The following KDM1B variants were observed in gnomAD, a reference collection of about 807,000 sequenced individuals.
KDM1B encodes lysine-specific histone demethylase 2.
KDM1B carries 63 observed loss-of-function variants against 107.4 expected under a neutral mutation model. That is an observed-to-expected ratio of 0.59 (90% CI 0.48 to 0.72). The LOEUF (loss-of-function observed/expected upper bound fraction) is 0.72. Among genes scored for constraint, KDM1B ranks in the 30% least tolerant of loss-of-function variants. The probability of loss-of-function intolerance (pLI) is 0.00; values close to 1 mark genes in which losing one functional copy is unlikely to be tolerated. For missense variants in KDM1B, 749 were observed against 1,020.8 expected (o/e 0.73, Z 3.63); for synonymous variants, 363 against 363.9 (o/e 1.00, Z 0.03).
chr6:18,212,891 G>T lies in KDM1B; in HGVS notation c.1983+287G>T, dbSNP rs549949234. ...TTTATCCCCTTTTTTCCCCCCTTCT[G>T]CTTTCTTTCTTGTCTGCTTTCCACT... On this transcript the variant is annotated intron_variant, in intron 18 of 21. Coordinates refer to ENST00000650836, the MANE Select transcript of KDM1B (RefSeq NM_001364614.2). The surrounding 1 kb of genome is among the most constrained non-coding windows in gnomAD (Gnocchi z 5.2). 2.0e-5 allele frequency among the ~76,000 whole-genome samples: 3 copies of T among 152,162 alleles called. No homozygotes were observed. The highest frequency in any genetic ancestry group is 7.2e-5 in the African/African-American group (3 of 41,516).
chr6:18,196,047 T>G (rs1422984657), intron 10 of KDM1B, among the ~76,000 whole-genome samples: 1 of 152,140 alleles, frequency 6.6e-6, no homozygotes, highest in African/African-American at 2.4e-5. Context: ...GTGAGTTGGG[T>G]GTTTTTAGAT....
rs1490916132 is a variant in KDM1B, at chr6:18,197,582, T to C, written c.1147-5T>C. On this transcript the variant is annotated splice_region_variant and splice_polypyrimidine_tract_variant and intron_variant, in intron 11 of 21. Transcript: ENST00000650836. This position sits in a 1 kb window ranked among gnomAD's most constrained non-coding sequence, Gnocchi z 4.5. ...AATTGGACTTTTGTTTCTTTTCTTT[T>C]TAAGAAATCAGTCATCATTATCGGG... 2.5e-6 allele frequency: 4 copies of C among 1,612,282 alleles called. No individual in the cohort carries two copies. In the Admixed American group the frequency reaches 6.7e-5, roughly 27 times the overall value.
At chr6:18,183,119 C>T (rs934914566) in intron 7 of KDM1B, among the ~76,000 whole-genome samples, 5 of 152,130 alleles carry the variant, frequency 3.3e-5, no homozygotes, top group Non-Finnish European at 7.4e-5. Context: ...AAAGCAAACA[C>T]TGGTGTGCCT....
At chr6:18,194,408 G>T (rs1787510303) in intron 10 of KDM1B, among the ~76,000 whole-genome samples, 1 of 152,134 alleles carries the variant, frequency 6.6e-6, no homozygotes, top group African/African-American at 2.4e-5. Context: ...TTCTGTAGTG[G>T]CCTTTGTTGA....
intron 7 of KDM1B, among the ~76,000 whole-genome samples, chr6:18,171,693 T>C (rs1785674230): frequency 6.6e-6 from 1 of 152,208 alleles, no homozygotes; most frequent in Non-Finnish European, 1.5e-5. Flanking sequence ...AGTTAAGACA[T>C]AGGCTGTCCA....
chr6:18,212,657 G>T lies in KDM1B; in HGVS notation c.1983+53G>T. On this transcript the variant is annotated intron_variant, in intron 18 of 21. Coordinates refer to ENST00000650836, the MANE Select transcript of KDM1B (RefSeq NM_001364614.2). The surrounding 1 kb of genome is among the most constrained non-coding windows in gnomAD (Gnocchi z 5.2). ...AGAAAGAGATTAATGTCAGATGATA[G>T]ATGTTAACTTCTGATATGGAGAAGT... 1 of 1,122,898 alleles carries T rather than the reference G, an allele frequency of 8.9e-7. No individual in the cohort carries two copies. Among genetic ancestry groups the T allele is most frequent in the Non-Finnish European group, 1.4e-6 (1 of 732,320 alleles). 69.6% of individuals were successfully genotyped at this position (1,122,898 alleles called of 1,614,324 possible).
chr6:18,184,188 A>G (rs546875522), intron 7 of KDM1B, among the ~76,000 whole-genome samples: 3 of 151,600 alleles, frequency 2.0e-5, no homozygotes, highest in East Asian at 3.9e-4. Context: ...CTGACTTACA[A>G]TCATATAGTT....
intron 10 of KDM1B, among the ~76,000 whole-genome samples, chr6:18,195,287 A>G (rs1265387255): frequency 1.3e-5 from 2 of 152,170 alleles, no homozygotes; most frequent in African/African-American, 4.8e-5. Flanking sequence ...GGTATATACT[A>G]AGGATTGGAA....
intron 7 of KDM1B, among the ~76,000 whole-genome samples, chr6:18,181,493 A>C (rs78741126): frequency 0.15 from 22,425 of 152,258 alleles, 2,148 homozygotes; most frequent in East Asian, 0.36. Context: ...AGTTGGGCGC[A>C]GTGGCTCATG....
Position 18,187,933 on chromosome 6 carries a change from C to T in KDM1B, c.715C>T (p.Arg239Cys), listed in dbSNP as rs144267308. The T allele has an allele frequency of 2.1e-4, 324 of 1,550,482 alleles. 2 individuals carry two copies. The East Asian group carries it at 6.6e-3, about 32-fold the overall frequency. ...GAGCCCCTCCTGCACCAGCACAAACCGCGCCGCTGCCACTGGCAATGCCAG... is the reference window on the plus strand; with the variant it reads ...GAGCCCCTCCTGCACCAGCACAAACTGCGCCGCTGCCACTGGCAATGCCAG... ...GMSPSCTSTN[R>C]AAATGNASPG... Residue 239 changes from arginine to cysteine, a missense_variant, in exon 9 of 22, where the codon CGC becomes TGC. Coordinates refer to ENST00000650836, the MANE Select transcript of KDM1B (RefSeq NM_001364614.2).
chr6:18,171,515 A>G (rs1464891461), intron 7 of KDM1B, 36 bp downstream of exon 7: 5 of 1,040,618 alleles, frequency 4.8e-6, no homozygotes, highest in African/African-American at 1.6e-5. Context: ...TAATTGATAT[A>G]TTAATGTAGT....
Position 18,187,898 on chromosome 6 carries a change from G to C in KDM1B, c.680G>C (p.Cys227Ser). The C allele has an allele frequency of 6.5e-7, 1 of 1,550,374 alleles. No individual in the cohort carries two copies. The highest frequency in any genetic ancestry group is 8.7e-7 in the Non-Finnish European group (1 of 1,146,888). Residue 227 changes from cysteine (C) to serine (S), a missense_variant, in exon 9 of 22, where the codon TGT becomes TCT. Transcript: ENST00000650836. Reference protein sequence around the residue: ...APLLSAYYPDCVGMSPSCTST... With the variant: ...APLLSAYYPDSVGMSPSCTST... ...CTGCTGTCTGCCTACTACCCTGACT[G>C]TGTTGGCATGAGCCCCTCCTGCACC...
intron 7 of KDM1B, among the ~76,000 whole-genome samples, chr6:18,180,446 GA>G (rs1276298245): frequency 6.6e-6 from 1 of 152,132 alleles, no homozygotes; most frequent in Non-Finnish European, 1.5e-5. Flanking sequence ...TCTACTTTTT[GA>G]GCCATTTTCA....
intron 3 of KDM1B, 84 bp from the exon 4 acceptor site, chr6:18,161,243 A>C: frequency 7.8e-7 from 1 of 1,280,590 alleles, no homozygotes; most frequent in African/African-American, 1.5e-5. Context: ...TTTAGAACTC[A>C]GCTGTGATTT....
chr6:18,204,054 A>C lies in KDM1B; in HGVS notation c.1532-1483A>C, dbSNP rs773729181. 1.3e-5 allele frequency among the ~76,000 whole-genome samples: 2 copies of C among 152,140 alleles called. No homozygotes were observed. Among genetic ancestry groups the C allele is most frequent in the Admixed American group, 6.6e-5 (1 of 15,264 alleles). On this transcript the variant is annotated intron_variant, in intron 14 of 21. Coordinates refer to ENST00000650836, the MANE Select transcript of KDM1B (RefSeq NM_001364614.2). The surrounding 1 kb of genome is among the most constrained non-coding windows in gnomAD (Gnocchi z 4.9). ...GGGTCTAGGAGCAACAAAGACAGGC[A>C]CAAATCTGGAGGCCTCTTGGGCATC...
At position 18,201,806 on chromosome 6, in the gene KDM1B, G is replaced by C. The variant is rs972795037; in HGVS notation, c.1531+149G>C. ...TCTTTTGGACTGATGGATTCTCCAA[G>C]TTCTCAGGGGAGGAGAACTTTTTGT... On this transcript the variant is annotated intron_variant, in intron 14 of 21. Transcript: ENST00000650836. This position sits in a 1 kb window ranked among gnomAD's most constrained non-coding sequence, Gnocchi z 4.3. 2.0e-5 allele frequency: 13 copies of C among 657,544 alleles called. No homozygotes were observed. Among genetic ancestry groups the C allele is most frequent in the Non-Finnish European group, 3.3e-5 (13 of 397,774 alleles). 40.7% of individuals were successfully genotyped at this position (657,544 alleles called of 1,614,324 possible). A position where few individuals can be genotyped will look rare whatever the true frequency, so the allele number is the denominator to read the frequency against.
chr6:18,171,598 A>C, intron 7 of KDM1B, 119 bp downstream of exon 7: 1 of 677,974 alleles, frequency 1.5e-6, no homozygotes, highest in South Asian at 1.7e-5. Context: ...ATTTGCATGC[A>C]TGTAATAGAA....
rs533016543 is a variant in KDM1B, at chr6:18,210,342, C to CTTTTTTTTTTTTTTTTTTTTT, written c.1867-2136_1867-2116dup. Among the ~76,000 whole-genome samples the CTTTTTTTTTTTTTTTTTTTTT allele has an allele frequency of 2.4e-3, 169 of 69,990 alleles. 18 individuals carry two copies. Among genetic ancestry groups the CTTTTTTTTTTTTTTTTTTTTT allele is most frequent in the Non-Finnish European group, 3.4e-3 (117 of 33,966 alleles). The allele number at this position is 69,990 out of a possible 152,430, so 45.9% of individuals were successfully genotyped here. On this transcript the variant is annotated intron_variant, in intron 17 of 21. Transcript: ENST00000650836. ...TCTTTCTTTTTTTTCTCTTTCTTTTCTTTTTTTTTTTTTTTTTTTTTTTTT... is the reference window on the plus strand; with the variant it reads ...TCTTTCTTTTTTTTCTCTTTCTTTTCTTTTTTTTTTTTTTTTTTTTTTTTTTTTTTTTTTTTTTTTTTTTTT...
At chr6:18,188,435 T>C (rs1582143982) in intron 9 of KDM1B, among the ~76,000 whole-genome samples, 2 of 152,082 alleles carry the variant, frequency 1.3e-5, no homozygotes, top group Non-Finnish European at 2.9e-5. Context: ...TGGATTGCTG[T>C]CTTGTTTAAT....
Sources: gnomAD v4.1 joint callset for allele counts (sites outside exome capture counted in the v4.1 genomes callset) on GRCh38, gnomAD v4.1.1 for gene constraint, Gnocchi (gnomAD v3.1) non-coding constraint, MANE v1.5 for transcripts, NCBI Gene and HGNC (gene_info 2026-07-23, HGNC 2026-07-21) for gene names.